The following SLC35F6 variants were observed in gnomAD, a reference collection of about 807,000 sequenced individuals.
The protein encoded by SLC35F6 is ANT2-binding protein.
Under a neutral mutation model 29.4 loss-of-function variants are expected in SLC35F6, and 26 were observed. That is an observed-to-expected ratio of 0.89 (90% CI 0.65 to 1.23). The LOEUF (loss-of-function observed/expected upper bound fraction) is 1.23, where lower values mean the gene tolerates loss of function less well. Among genes scored for constraint, SLC35F6 ranks in the 50% most tolerant of loss-of-function variants. SLC35F6 has a pLI of 0.00. For missense variants in SLC35F6, 428 were observed against 487.8 expected (o/e 0.88, Z 1.15); for synonymous variants, 174 against 206.6 (o/e 0.84, Z 1.35).
At chr2:26,773,406 G>A (rs1472884754) in intron 1 of SLC35F6, among the ~76,000 whole-genome samples, 1 of 151,398 alleles carries the variant, frequency 6.6e-6, no homozygotes, top group Non-Finnish European at 1.5e-5. Flanking sequence ...AGGAGGCTGA[G>A]GCAGGAGAAT....
At chr2:26,764,693 C>T (rs1664062781) in intron 1 of SLC35F6, 1 of 719,828 alleles carries the variant, frequency 1.4e-6, no homozygotes, top group Non-Finnish European at 1.7e-6. Context: ...GAGGGTTGGC[C>T]GATTCCTTTC....
Position 26,775,064 on chromosome 2 carries a change from A to C in SLC35F6, c.171A>C (p.Gly57=). Residue 57 remains glycine (G), a synonymous_variant, in exon 3 of 6, where the codon GGA becomes GGC. Coordinates refer to ENST00000344420, the MANE Select transcript of SLC35F6 (RefSeq NM_017877.4). This position sits in a 1 kb window ranked among gnomAD's most constrained non-coding sequence, Gnocchi z 4.6. ...TGCAGGCAGTGGGCATGTTCCTGGG[A>C]GAATTCTCCTGCCTGGCTGCCTTCT... ...PFLQAVGMFL[G]EFSCLAAFYL... 2 of 1,613,834 alleles carry C rather than the reference A, an allele frequency of 1.2e-6. No individual in the cohort carries two copies. The highest frequency in any genetic ancestry group is 2.7e-5 in the African/African-American group (2 of 74,980).
chr2:26,778,417 T>G lies in SLC35F6; in HGVS notation c.1022T>G (p.Leu341Arg). Residue 341 changes from leucine (L) to arginine (R), a missense_variant, in exon 6 of 6, where the codon CTG becomes CGG. Physicochemically the swap from Leu to Arg is moderately radical, Grantham distance 102 (BLOSUM62 -2). Transcript: ENST00000344420. ...TACAATGGGCTACACCGTCCGCTGC[T>G]GGGCCGCCTGTCCAGGGGCCGGCCC... is the stretch of plus-strand genomic sequence containing the variant. ...ALYNGLHRPLLGRLSRGRPLA... is the reference protein window; with the variant it reads ...ALYNGLHRPLRGRLSRGRPLA... 6.2e-7 allele frequency: 1 copy of G among 1,614,058 alleles called. No homozygotes were observed. The highest frequency in any genetic ancestry group is 8.5e-7 in the Non-Finnish European group (1 of 1,180,000).
intron 5 of SLC35F6, 99 bp from the exon 6 acceptor site, chr2:26,777,943 T>A (rs1045392798): frequency 8.7e-7 from 1 of 1,154,638 alleles, no homozygotes; most frequent in Non-Finnish European, 1.3e-6. Flanking sequence ...TGAGGACCAC[T>A]GGGAGGGAAT....
At position 26,772,986 on chromosome 2, in the gene SLC35F6, G is replaced by C. The variant is rs182386275; in HGVS notation, c.78-1265G>C. On this transcript the variant is annotated intron_variant, in intron 1 of 5. Transcript: ENST00000344420. ...GACTGGGAGGTCATGCCATGAGTGT[G>C]ATGTCTTTGCCACCTGCTTGAAAGT... Among the ~76,000 whole-genome samples, 254 of 152,262 alleles carry C rather than the reference G, an allele frequency of 1.7e-3. 4 individuals carry two copies. The highest frequency in any genetic ancestry group is 0.014 in the Admixed American group (213 of 15,280).
intron 1 of SLC35F6, among the ~76,000 whole-genome samples, chr2:26,771,823 G>T (rs991220402): frequency 2.6e-5 from 4 of 151,876 alleles, no homozygotes; most frequent in Admixed American, 6.6e-5. Context: ...AGAGAAAGAA[G>T]TGAGACTCCA....
At chr2:26,764,464 A>G in intron 1 of SLC35F6, 38 bp downstream of exon 1, 1 of 1,548,404 alleles carries the variant, frequency 6.5e-7, no homozygotes, top group Non-Finnish European at 8.7e-7. Flanking sequence ...GGCCCTGGCG[A>G]CCCCGGCGCT....
chr2:26,776,457 C>T lies in SLC35F6; in HGVS notation c.621C>T (p.His207=), dbSNP rs372038494. The change falls in exon 5 of 6, where the codon CAC becomes CAT. Residue 207 remains histidine (H), a synonymous_variant. Transcript: ENST00000344420. ...EEKFVYKHNV[H]PLRAVGTEGL... ...AGTTCGTCTACAAACACAATGTGCA[C>T]CCACTGCGGGCAGTTGGCACTGAGG... is the stretch of plus-strand genomic sequence containing the variant. 2.5e-6 allele frequency: 4 copies of T among 1,614,046 alleles called. No individual in the cohort carries two copies. Among genetic ancestry groups the T allele is most frequent in the African/African-American group, 2.7e-5 (2 of 74,926 alleles).
At chr2:26,777,044 C>T (rs547422513) in intron 5 of SLC35F6, among the ~76,000 whole-genome samples, 1 of 152,256 alleles carries the variant, frequency 6.6e-6, no homozygotes, top group Admixed American at 6.5e-5. Context: ...ACAAAAAATA[C>T]AAAAATTAGC....
At position 26,775,220 on chromosome 2, in the gene SLC35F6, G is replaced by C. The variant is rs1236559911; in HGVS notation, c.322+5G>C. On this transcript the variant is annotated splice_donor_5th_base_variant and intron_variant, in intron 3 of 5. Transcript: ENST00000344420. The surrounding 1 kb of genome is among the most constrained non-coding windows in gnomAD (Gnocchi z 4.6). ...GGACCAGCCTCATGTATGTGGGTGA[G>C]TAACCAGGCCAGGCTGAGAAGGGCT... is the stretch of plus-strand genomic sequence containing the variant. 1.2e-6 allele frequency: 2 copies of C among 1,612,216 alleles called. No individual in the cohort carries two copies. Among genetic ancestry groups the C allele is most frequent in the African/African-American group, 2.7e-5 (2 of 74,886 alleles).
intron 5 of SLC35F6, 34 bp downstream of exon 5, chr2:26,776,516 G>T: frequency 6.3e-7 from 1 of 1,595,502 alleles, no homozygotes; most frequent in Non-Finnish European, 8.6e-7. Context: ...GAAGGAGTGG[G>T]GTAGAAGGGA....
chr2:26,778,483 C>T lies in SLC35F6; in HGVS notation c.1088C>T (p.Thr363Ile). The part of the protein sequence containing the change: ...ESEQERLLGG[T>I]RTPINDAS ...GAGCAGGAGAGACTGCTGGGTGGCA[C>T]CCGCACTCCCATCAATGATGCCAGC... is the stretch of plus-strand genomic sequence containing the variant. The change falls in exon 6 of 6, where the codon ACC becomes ATC. Residue 363 changes from threonine to isoleucine, a missense_variant. Physicochemically the swap from Thr to Ile is moderately conservative, Grantham distance 89 (BLOSUM62 -1). Transcript: ENST00000344420. The T allele has an allele frequency of 6.2e-7, 1 of 1,609,262 alleles. No individual in the cohort carries two copies. Among genetic ancestry groups the T allele is most frequent in the Non-Finnish European group, 8.5e-7 (1 of 1,177,956 alleles).
At chr2:26,776,181 C>T (rs1664297166) in intron 4 of SLC35F6, among the ~76,000 whole-genome samples, 191 bp from the exon 5 acceptor site, 1 of 152,224 alleles carries the variant, frequency 6.6e-6, no homozygotes. Flanking sequence ...CCTCTGGGGC[C>T]TTAGCCTGGC....
Position 26,778,408 on chromosome 2 carries a change from G to A in SLC35F6, c.1013G>A (p.Arg338His), listed in dbSNP as rs772057516. Residue 338 changes from arginine to histidine, a missense_variant, in exon 6 of 6, where the codon CGT becomes CAT. Transcript: ENST00000344420. ...IGTALYNGLHRPLLGRLSRGR... is the reference protein window; with the variant it reads ...IGTALYNGLHHPLLGRLSRGR... Reference sequence around the variant, plus strand: ...ACTGCCCTCTACAATGGGCTACACCGTCCGCTGCTGGGCCGCCTGTCCAGG... The same window carrying A: ...ACTGCCCTCTACAATGGGCTACACCATCCGCTGCTGGGCCGCCTGTCCAGG... 2.0e-5 allele frequency: 32 copies of A among 1,613,974 alleles called. No homozygotes were observed. The highest frequency in any genetic ancestry group is 2.7e-5 in the African/African-American group (2 of 74,894).
Position 26,775,346 on chromosome 2 carries a change from A to G in SLC35F6, c.323-118A>G, listed in dbSNP as rs1664279069. 2.0e-6 allele frequency: 3 copies of G among 1,513,448 alleles called. No homozygotes were observed. Among genetic ancestry groups the G allele is most frequent in the Non-Finnish European group, 2.7e-6 (3 of 1,122,684 alleles). The allele number at this position is 1,513,448 out of a possible 1,614,324, so 93.8% of individuals were successfully genotyped here. A position where few individuals can be genotyped will look rare whatever the true frequency, so the allele number is the denominator to read the frequency against. Reference sequence around the variant, plus strand: ...CCCCAGACTTCACACGCACAGGCACACAGGCAGGACTGATCGAGCGCTTAC... The same window carrying G: ...CCCCAGACTTCACACGCACAGGCACGCAGGCAGGACTGATCGAGCGCTTAC... On this transcript the variant is annotated intron_variant, in intron 3 of 5. Coordinates refer to ENST00000344420, the MANE Select transcript of SLC35F6 (RefSeq NM_017877.4). This position sits in a 1 kb window ranked among gnomAD's most constrained non-coding sequence, Gnocchi z 4.6.
intron 5 of SLC35F6, 52 bp from the exon 6 acceptor site, chr2:26,777,990 G>T: frequency 1.3e-6 from 2 of 1,547,852 alleles, no homozygotes; most frequent in Non-Finnish European, 1.8e-6. Flanking sequence ...GGTGGGCTGT[G>T]CTGGGGGTCT....
chr2:26,777,073 C>T (rs1457667051), intron 5 of SLC35F6, among the ~76,000 whole-genome samples: 1 of 152,232 alleles, frequency 6.6e-6, no homozygotes, highest in Non-Finnish European at 1.5e-5. Flanking sequence ...GTGGCGCATG[C>T]CTGTAGTCCC....
intron 1 of SLC35F6, among the ~76,000 whole-genome samples, chr2:26,772,299 C>T (rs932934746): frequency 6.6e-6 from 1 of 152,134 alleles, no homozygotes; most frequent in Non-Finnish European, 1.5e-5. Flanking sequence ...AGGCTCGCTA[C>T]AGAGATGAGC....
At position 26,774,930 on chromosome 2, in the gene SLC35F6, A is replaced by G. The variant is rs1664269744; in HGVS notation, c.151-114A>G. The G allele has an allele frequency of 4.0e-6, 5 of 1,244,986 alleles. No homozygotes were observed. The South Asian group carries it at 6.3e-5, about 16-fold the overall frequency. The allele number at this position is 1,244,986 out of a possible 1,614,324, so 77.1% of individuals were successfully genotyped here. Reference sequence around the variant, plus strand: ...AGCTCTGCATTTGTCTATTTTACATATTGGGGTTCTGGGTAAGCTCTTGTT... The same window carrying G: ...AGCTCTGCATTTGTCTATTTTACATGTTGGGGTTCTGGGTAAGCTCTTGTT... On this transcript the variant is annotated intron_variant, in intron 2 of 5. Transcript: ENST00000344420.
Sources: gnomAD v4.1 joint callset for allele counts (sites outside exome capture counted in the v4.1 genomes callset) on GRCh38, gnomAD v4.1.1 for gene constraint, Gnocchi (gnomAD v3.1) non-coding constraint, MANE v1.5 for transcripts, NCBI Gene and HGNC (gene_info 2026-07-23, HGNC 2026-07-21) for gene names.